The following ILRUN variants were observed in gnomAD, a reference collection of about 807,000 sequenced individuals.
The protein encoded by ILRUN is protein ILRUN.
ILRUN carries 3 observed loss-of-function variants against 33.8 expected under a neutral mutation model. The observed-to-expected ratio is 0.09, with a 90% CI of 0.04 to 0.23. The LOEUF is 0.23. ILRUN is among the 10% of genes least tolerant of loss of function. The pLI is 1.00. For synonymous variants in ILRUN, 124 were observed against 138.9 expected, an observed-to-expected ratio of 0.89 and a Z score of 0.75; for missense variants, 210 against 375.1, an observed-to-expected ratio of 0.56 and a Z score of 3.64.
At position 34,592,932 on chromosome 6, in the gene ILRUN, G is replaced by C. The variant is rs941917223; in HGVS notation, c.862-2332C>G. Among the ~76,000 whole-genome samples, 9 of 151,452 alleles carry C rather than the reference G, an allele frequency of 5.9e-5. No homozygotes were observed. Among genetic ancestry groups the C allele is most frequent in the Non-Finnish European group, 1.2e-4 (8 of 67,878 alleles). ...CTTATGTCTATAATCCCAGCACTTT[G>C]GGAGGCCCAGGCGGGAGAACTGCTT... On this transcript the variant is annotated intron_variant, in intron 4 of 4. Coordinates refer to ENST00000374023, the MANE Select transcript of ILRUN (RefSeq NM_024294.4). The surrounding 1 kb of genome is among the most constrained non-coding windows in gnomAD (Gnocchi z 4.0).
At chr6:34,593,290 T>G (rs1000417187) in intron 4 of ILRUN, among the ~76,000 whole-genome samples, 1 of 152,182 alleles carries the variant, frequency 6.6e-6, no homozygotes, top group African/African-American at 2.4e-5. Flanking sequence ...TATTTACCCC[T>G]TTACCCTAAA....
At chr6:34,620,359 AC>A (rs1335709426) in intron 3 of ILRUN, among the ~76,000 whole-genome samples, 1 of 152,206 alleles carries the variant, frequency 6.6e-6, no homozygotes, top group Non-Finnish European at 1.5e-5. Context: ...AGTACTTAGC[AC>A]CATAAGTAGC....
At chr6:34,614,438 A>AT (rs2127331062) in intron 3 of ILRUN, among the ~76,000 whole-genome samples, 3 of 124,596 alleles carry the variant, frequency 2.4e-5, no homozygotes, top group East Asian at 2.0e-4. Context: ...TAATAAAAAA[A>AT]AAAAAATATA....
intron 1 of ILRUN, chr6:34,685,288 T>A (rs1033078986): frequency 1.3e-5 from 2 of 152,116 alleles, no homozygotes; most frequent in East Asian, 3.8e-4. Flanking sequence ...CTGGCTGGAG[T>A]AAGGAAAAGG....
chr6:34,638,754 A>C (rs1165320615), intron 3 of ILRUN, among the ~76,000 whole-genome samples: 1 of 152,172 alleles, frequency 6.6e-6, no homozygotes, highest in Non-Finnish European at 1.5e-5. Context: ...AGGGCTACTC[A>C]TATTTCTGGT....
intron 1 of ILRUN, among the ~76,000 whole-genome samples, chr6:34,678,399 G>T (rs1318376959): frequency 6.6e-6 from 1 of 152,062 alleles, no homozygotes. Flanking sequence ...AACATGTGCA[G>T]GTTTGTTACA....
At chr6:34,664,044 G>C (rs895033889) in intron 1 of ILRUN, among the ~76,000 whole-genome samples, 1 of 152,186 alleles carries the variant, frequency 6.6e-6, no homozygotes, top group Admixed American at 6.5e-5. Context: ...AATGCCTGTA[G>C]CCTCTGGAAG....
chr6:34,639,868 T>C (rs779183314), intron 3 of ILRUN, among the ~76,000 whole-genome samples: 6 of 152,216 alleles, frequency 3.9e-5, no homozygotes, highest in Non-Finnish European at 8.8e-5. Flanking sequence ...TTTAGTTTTC[T>C]CATCAATAAA....
rs1459219172 is a variant in ILRUN, at chr6:34,651,847, C to T, written c.313+2778G>A. 5.1e-5 allele frequency among the ~76,000 whole-genome samples: 7 copies of T among 138,268 alleles called. No individual in the cohort carries two copies. In the East Asian group the frequency reaches 1.5e-3, roughly 29 times the overall value. The allele number at this position is 138,268 out of a possible 152,430, so 90.7% of individuals were successfully genotyped here. ...TGGCTCTGTTGCCCAGGCTGGAGTG[C>T]AGCGGCGCGATCTTGGCTCACTACA... On this transcript the variant is annotated intron_variant, in intron 2 of 4. Coordinates refer to ENST00000374023, the MANE Select transcript of ILRUN (RefSeq NM_024294.4).
chr6:34,677,297 ACT>A (rs1400094601), intron 1 of ILRUN, among the ~76,000 whole-genome samples: 42 of 152,000 alleles, frequency 2.8e-4, no homozygotes, highest in Admixed American at 2.6e-3. Flanking sequence ...ACAGAGGGAG[ACT>A]CTGTCTCAAA....
intron 1 of ILRUN, among the ~76,000 whole-genome samples, chr6:34,679,989 TC>T (rs1763325829): frequency 6.6e-6 from 1 of 152,264 alleles, no homozygotes; most frequent in Non-Finnish European, 1.5e-5. Flanking sequence ...AATTGGAACT[TC>T]TAGTTTCTCA....
Position 34,616,441 on chromosome 6 carries a change from G to C in ILRUN, c.512-9537C>G, listed in dbSNP as rs1761894073. The C allele has an allele frequency of 8.2e-6, 5 of 608,988 alleles. No individual in the cohort carries two copies. In the South Asian group the frequency reaches 1.0e-4, roughly 12 times the overall value. The allele number at this position is 608,988 out of a possible 1,614,324, so 37.7% of individuals were successfully genotyped here. A position where few individuals can be genotyped will look rare whatever the true frequency, so the allele number is the denominator to read the frequency against. The stretch of plus-strand genomic sequence containing the variant: ...TCTATAGAAAAGCTGGGTGTGTACT[G>C]TCTAGCTTCAGTGAGAAAGGCTTGA... On this transcript the variant is annotated intron_variant, in intron 3 of 4. Coordinates refer to ENST00000374023, the MANE Select transcript of ILRUN (RefSeq NM_024294.4).
rs187683384 is a variant in ILRUN, at chr6:34,603,785, G to C, written c.861+2770C>G. 1.9e-3 allele frequency among the ~76,000 whole-genome samples: 294 copies of C among 152,208 alleles called. 1 individual carries two copies. Among genetic ancestry groups the C allele is most frequent in the Middle Eastern group, 0.014 (4 of 294 alleles). ...TGTTTCATTTCCCCTACTGTACTGC[G>C]GGCTCCTAGTGGGTAGGGATCCTTT... On this transcript the variant is annotated intron_variant, in intron 4 of 4. Coordinates refer to ENST00000374023, the MANE Select transcript of ILRUN (RefSeq NM_024294.4).
At chr6:34,653,475 C>T (rs919626024) in intron 2 of ILRUN, among the ~76,000 whole-genome samples, 3 of 152,172 alleles carry the variant, frequency 2.0e-5, no homozygotes, top group African/African-American at 7.2e-5. Flanking sequence ...ATCCTCCCAC[C>T]TCGGCCTCCC....
In ILRUN at chr6:34,589,934, A is replaced by G. The variant is rs1761263787; in HGVS notation, c.*631T>C. 1 of 152,188 alleles carries G rather than the reference A, an allele frequency of 6.6e-6. No individual in the cohort carries two copies. The highest frequency in any genetic ancestry group is 1.5e-5 in the Non-Finnish European group (1 of 68,046). 9.4% of individuals were successfully genotyped at this position (152,188 alleles called of 1,614,324 possible). A position where few individuals can be genotyped will look rare whatever the true frequency, so the allele number is the denominator to read the frequency against. ...TGTCAAAGGTGTAAATCAACAGAAG[A>G]TTAAAGAGAAAAGAGGAGGAAAAGG... On this transcript the variant is annotated 3_prime_UTR_variant, in exon 5 of 5. Coordinates refer to ENST00000374023, the MANE Select transcript of ILRUN (RefSeq NM_024294.4).
chr6:34,636,753 C>T (rs1762374570), intron 3 of ILRUN, among the ~76,000 whole-genome samples: 1 of 152,156 alleles, frequency 6.6e-6, no homozygotes, highest in African/African-American at 2.4e-5. Flanking sequence ...ATAGCATATA[C>T]TGATAATTTG....
chr6:34,695,890 T>A (rs1763759624), intron 1 of ILRUN, among the ~76,000 whole-genome samples: 1 of 144,698 alleles, frequency 6.9e-6, no homozygotes. Flanking sequence ...TCCCTATCTA[T>A]CCTCAGATGG....
chr6:34,635,388 T>A (rs1209474961), intron 3 of ILRUN, among the ~76,000 whole-genome samples: 2 of 151,472 alleles, frequency 1.3e-5, no homozygotes, highest in African/African-American at 2.4e-5. Flanking sequence ...ATTAGCGGGG[T>A]GTAATGACGC....
chr6:34,608,420 T>C (rs907477822), intron 3 of ILRUN, among the ~76,000 whole-genome samples: 3 of 151,728 alleles, frequency 2.0e-5, no homozygotes, highest in South Asian at 2.1e-4. Flanking sequence ...TAGCTAAACA[T>C]AGAATAGTAA....
Sources: allele counts gnomAD v4.1 joint callset (sites outside exome capture counted in the v4.1 genomes callset), GRCh38; gene constraint gnomAD v4.1.1; non-coding constraint Gnocchi (gnomAD v3.1); transcripts MANE v1.5; gene names NCBI Gene and HGNC (gene_info 2026-07-23, HGNC 2026-07-21).